The following SGCZ variants were observed in gnomAD, a reference collection of about 807,000 sequenced individuals.
SGCZ encodes zeta-sarcoglycan.
In SGCZ, 40 loss-of-function variants were observed where a neutral mutation model predicts 41.3. The observed-to-expected ratio is 0.97, with a 90% CI of 0.75 to 1.26. The LOEUF is 1.26. Among genes scored for constraint, SGCZ ranks in the 50% most tolerant of loss-of-function variants. The pLI is 0.00. For synonymous variants in SGCZ, 206 were observed against 137.5 expected (o/e 1.50, Z -3.49); for missense variants, 552 against 369.8 (o/e 1.49, Z -4.04).
chr8:14,165,333 G>A (rs894500658), intron 4 of SGCZ: 5 of 151,910 alleles, frequency 3.3e-5, no homozygotes, highest in African/African-American at 1.2e-4. Flanking sequence ...TTGAAAAACG[G>A]TATTAAATAA....
At chr8:14,570,598 A>G (rs1479313368) in intron 1 of SGCZ, among the ~76,000 whole-genome samples, 1 of 152,198 alleles carries the variant, frequency 6.6e-6, no homozygotes, top group Admixed American at 6.5e-5. Flanking sequence ...AAGAAAAATT[A>G]TGTAATATTT....
intron 1 of SGCZ, among the ~76,000 whole-genome samples, chr8:14,573,911 C>T (rs775506887): frequency 1.3e-5 from 2 of 151,932 alleles, no homozygotes; most frequent in South Asian, 2.1e-4. Context: ...TTCCTTTAAG[C>T]CATAGAAGGG....
chr8:15,032,213 T>C (rs1008131643), intron 1 of SGCZ, among the ~76,000 whole-genome samples: 1 of 151,744 alleles, frequency 6.6e-6, no homozygotes, highest in Non-Finnish European at 1.5e-5. Flanking sequence ...TATATAACTA[T>C]CCATACACAA....
intron 2 of SGCZ, among the ~76,000 whole-genome samples, chr8:14,381,862 T>C (rs1471791945): frequency 6.6e-6 from 1 of 152,142 alleles, no homozygotes; most frequent in Non-Finnish European, 1.5e-5. Flanking sequence ...CACTAATTCA[T>C]TGTTTCACAG....
chr8:14,468,281 C>T (rs921377804), intron 2 of SGCZ, among the ~76,000 whole-genome samples: 34 of 152,094 alleles, frequency 2.2e-4, no homozygotes, highest in Admixed American at 1.3e-4. Flanking sequence ...TCACTAGATC[C>T]TTCAAATAAA....
intron 1 of SGCZ, among the ~76,000 whole-genome samples, chr8:14,856,205 G>A (rs766599228): frequency 3.9e-5 from 6 of 152,090 alleles, no homozygotes; most frequent in African/African-American, 1.2e-4. Flanking sequence ...GTTATTTAGC[G>A]AAGATAAGTT....
At chr8:14,904,329 A>G (rs1047433466) in intron 1 of SGCZ, among the ~76,000 whole-genome samples, 3 of 152,102 alleles carry the variant, frequency 2.0e-5, no homozygotes, top group African/African-American at 7.2e-5. Flanking sequence ...ATGTTTTGGT[A>G]TAAATATCAA....
intron 2 of SGCZ, among the ~76,000 whole-genome samples, chr8:14,485,717 G>A (rs1232827032): frequency 6.6e-6 from 1 of 151,966 alleles, no homozygotes; most frequent in Admixed American, 6.6e-5. Context: ...TAATCTAATT[G>A]GTCTATCTTT....
intron 2 of SGCZ, among the ~76,000 whole-genome samples, chr8:14,429,553 G>A (rs1417686382): frequency 6.6e-6 from 1 of 152,162 alleles, no homozygotes; most frequent in African/African-American, 2.4e-5. Flanking sequence ...AGCCCCCAAA[G>A]AAATGTCCAC....
chr8:15,194,204 CA>C (rs1800638972), intron 1 of SGCZ, among the ~76,000 whole-genome samples: 2 of 151,566 alleles, frequency 1.3e-5, no homozygotes, highest in Non-Finnish European at 2.9e-5. Flanking sequence ...CACACACACA[CA>C]CACACACACA....
At chr8:14,397,717 G>A (rs1283886962) in intron 2 of SGCZ, among the ~76,000 whole-genome samples, 1 of 152,062 alleles carries the variant, frequency 6.6e-6, no homozygotes, top group African/African-American at 2.4e-5. Context: ...ATGTATCTGA[G>A]ATCTGAGGAA....
At chr8:14,859,313 T>C (rs1803644269) in intron 1 of SGCZ, among the ~76,000 whole-genome samples, 1 of 152,116 alleles carries the variant, frequency 6.6e-6, no homozygotes, top group South Asian at 2.1e-4. Flanking sequence ...CACTAGCATA[T>C]TTTGGGACCA....
intron 1 of SGCZ, among the ~76,000 whole-genome samples, chr8:15,170,054 G>C (rs1189020374): frequency 2.0e-5 from 3 of 152,166 alleles, no homozygotes; most frequent in African/African-American, 7.2e-5. Context: ...TAACTGAGTG[G>C]TTTATCATTC....
intron 2 of SGCZ, among the ~76,000 whole-genome samples, chr8:14,325,578 G>C (rs1585365316): frequency 2.1e-5 from 3 of 142,552 alleles, no homozygotes; most frequent in South Asian, 4.4e-4. Flanking sequence ...ATATATAATA[G>C]ATCATATATA....
chr8:14,915,946 G>C (rs1428399689), intron 1 of SGCZ, among the ~76,000 whole-genome samples: 2 of 152,100 alleles, frequency 1.3e-5, no homozygotes, highest in African/African-American at 4.8e-5. Flanking sequence ...GTAAATGTTA[G>C]CCATTTTAAC....
At chr8:15,207,688 C>T (rs1002915716) in intron 1 of SGCZ, among the ~76,000 whole-genome samples, 2 of 152,018 alleles carry the variant, frequency 1.3e-5, no homozygotes, top group Admixed American at 6.6e-5. Context: ...AGATGCTTTC[C>T]CCATTACTCA....
intron 4 of SGCZ, among the ~76,000 whole-genome samples, chr8:14,167,814 A>T (rs1336307292): frequency 3.9e-5 from 6 of 152,192 alleles, no homozygotes; most frequent in Admixed American, 3.3e-4. Context: ...TGCAGTCTTA[A>T]TCAACAGCCA....
intron 1 of SGCZ, among the ~76,000 whole-genome samples, chr8:14,940,449 C>CA (rs1430502972): frequency 2.0e-5 from 3 of 152,038 alleles, no homozygotes; most frequent in South Asian, 2.1e-4. Flanking sequence ...CAACATGCAG[C>CA]AAAAAATATA....
chr8:15,144,885 G>A (rs1798996670), intron 1 of SGCZ, among the ~76,000 whole-genome samples: 1 of 152,136 alleles, frequency 6.6e-6, no homozygotes, highest in Non-Finnish European at 1.5e-5. Flanking sequence ...CACATATTGT[G>A]GTGCTGTATG....
Sources: allele counts gnomAD v4.1 joint callset (sites outside exome capture counted in the v4.1 genomes callset), GRCh38; gene constraint gnomAD v4.1.1; transcripts MANE v1.5; gene names NCBI Gene and HGNC (gene_info 2026-07-23, HGNC 2026-07-21).